The following TRMT11 variants were observed in gnomAD, a reference collection of about 807,000 sequenced individuals.
The protein encoded by TRMT11 is tRNA (guanine(10)-N(2))-methyltransferase TRMT11.
A neutral mutation model predicts 62.8 loss-of-function variants in TRMT11; 53 were observed. The ratio of observed to expected loss-of-function variants is 0.84; its 90% CI spans 0.68 to 1.06. The LOEUF is 1.06. Among genes scored for constraint, TRMT11 ranks in the 50% least tolerant of loss-of-function variants. TRMT11 has a pLI of 0.00. For missense variants in TRMT11, 556 were observed against 553.4 expected, an observed-to-expected ratio of 1.00 and a Z score of -0.05; for synonymous variants, 188 against 190.3, an observed-to-expected ratio of 0.99 and a Z score of 0.10.
chr6:126,069,708 C>T lies in TRMT11; in HGVS notation c.*1437+16518C>T, dbSNP rs11964605. Among the ~76,000 whole-genome samples, 1,104 of 152,272 alleles carry T rather than the reference C, an allele frequency of 7.3e-3. 15 individuals are homozygous for T. The highest frequency in any genetic ancestry group is 0.025 in the African/African-American group (1,042 of 41,558). ...GTCTCTGTTTTCAGACCATGTCATC[C>T]GGGACTTGCCAGCCTTCAGAGACAT... is the stretch of plus-strand genomic sequence containing the variant. On this transcript the variant is annotated intron_variant and NMD_transcript_variant, in intron 17 of 22. Coordinates refer to the TRMT11 transcript ENST00000648977.
intron 17 of TRMT11, among the ~76,000 whole-genome samples, chr6:126,058,142 T>TCC (rs1336193413): frequency 6.6e-6 from 1 of 152,098 alleles, no homozygotes; most frequent in African/African-American, 2.4e-5. Flanking sequence ...TGTGTGATGT[T>TCC]CCCCTCCCTG....
At position 126,147,099 on chromosome 6, in the gene TRMT11, T is replaced by C. The variant is rs1043731738; in HGVS notation, c.*1824-27726T>C. Among the ~76,000 whole-genome samples, 2 of 151,904 alleles carry C rather than the reference T, an allele frequency of 1.3e-5. 1 individual carries two copies. Among genetic ancestry groups the C allele is most frequent in the Non-Finnish European group, 2.9e-5 (2 of 67,998 alleles). On this transcript the variant is annotated intron_variant and NMD_transcript_variant, in intron 21 of 22. Coordinates refer to the TRMT11 transcript ENST00000648977. ...GATGACCTTCCTGAAGAGGTGAGGA[T>C]TGAATTGGGCCTGGAAGAGTAGGTA...
At chr6:126,096,676 T>G (rs1777344918) in intron 17 of TRMT11, among the ~76,000 whole-genome samples, 1 of 152,132 alleles carries the variant, frequency 6.6e-6, no homozygotes, top group African/African-American at 2.4e-5. Flanking sequence ...TTCTTAATCT[T>G]TGTATCCCCC....
At chr6:126,177,970 G>C (rs1778408208) in intron 1 of TRMT11, among the ~76,000 whole-genome samples, 1 of 152,048 alleles carries the variant, frequency 6.6e-6, no homozygotes, top group Admixed American at 6.6e-5. Flanking sequence ...CCTACTGCAA[G>C]CTCTGGTCCA....
intron 18 of TRMT11, among the ~76,000 whole-genome samples, chr6:126,113,860 CAAT>C (rs566340527): frequency 7.9e-5 from 12 of 152,142 alleles, no homozygotes; most frequent in Non-Finnish European, 1.8e-4. Flanking sequence ...AAAAGATCCT[CAAT>C]AATCTGAGCA....
At chr6:126,167,477 G>T (rs1778282237) in intron 21 of TRMT11, among the ~76,000 whole-genome samples, 1 of 152,122 alleles carries the variant, frequency 6.6e-6, no homozygotes, top group Admixed American at 6.5e-5. Context: ...AGACGAAGTG[G>T]GTACCTCAAT....
intron 17 of TRMT11, among the ~76,000 whole-genome samples, chr6:126,103,212 T>C (rs867206152): frequency 4.6e-5 from 7 of 152,234 alleles, no homozygotes; most frequent in African/African-American, 1.2e-4. Context: ...GGTCCTACGC[T>C]AATTCTCATT....
At chr6:126,161,811 T>C (rs994480717) in intron 21 of TRMT11, among the ~76,000 whole-genome samples, 2 of 152,260 alleles carry the variant, frequency 1.3e-5, no homozygotes, top group African/African-American at 4.8e-5. Flanking sequence ...TTTGTGGTTT[T>C]GATTTGCATT....
chr6:126,159,493 C>T (rs1030369118), intron 21 of TRMT11, among the ~76,000 whole-genome samples: 2 of 152,170 alleles, frequency 1.3e-5, no homozygotes, highest in East Asian at 1.9e-4. Context: ...AGCCACAAGA[C>T]AGAAAGAACT....
chr6:126,190,145 TTTG>T (rs1447739295), intron 1 of TRMT11, among the ~76,000 whole-genome samples: 1 of 152,180 alleles, frequency 6.6e-6, no homozygotes, highest in African/African-American at 2.4e-5. Context: ...AATACTAGAA[TTTG>T]TTTTTTCTAA....
chr6:125,995,837 G>A, intron 2 of TRMT11, 130 bp from the exon 3 acceptor site: 1 of 637,640 alleles, frequency 1.6e-6, no homozygotes, highest in Non-Finnish European at 2.8e-6. Flanking sequence ...TTTTATTTTG[G>A]TTACAGTCAG....
At chr6:126,064,086 A>G (rs1323542268) in intron 17 of TRMT11, among the ~76,000 whole-genome samples, 3 of 151,942 alleles carry the variant, frequency 2.0e-5, no homozygotes, top group Non-Finnish European at 4.4e-5. Context: ...GAGGTTGGCA[A>G]CCTTTGGTGA....
upstream of TRMT11, among the ~76,000 whole-genome samples, chr6:126,175,347 A>T (rs1390959949): frequency 6.6e-6 from 1 of 152,144 alleles, no homozygotes; most frequent in East Asian, 1.9e-4. Flanking sequence ...TTTTGTGTGC[A>T]TTTGTAGATA....
chr6:126,052,786 A>G (rs1373427035), intron 16 of TRMT11, among the ~76,000 whole-genome samples: 3 of 152,188 alleles, frequency 2.0e-5, no homozygotes, highest in Non-Finnish European at 4.4e-5. Flanking sequence ...TTGATCTTGC[A>G]TTTGTTAGCT....
At chr6:126,189,739 C>A (rs888535111) in intron 1 of TRMT11, among the ~76,000 whole-genome samples, 1 of 152,060 alleles carries the variant, frequency 6.6e-6, no homozygotes, top group Admixed American at 6.6e-5. Context: ...AATAAGGTAG[C>A]ATACTGGACA....
the TRMT11 span, among the ~76,000 whole-genome samples, chr6:126,240,625 G>A: frequency 2.4e-4 from 36 of 152,200 alleles, no homozygotes; most frequent in Admixed American, 7.2e-4. Context: ...CCCTACTGGG[G>A]GGTGCCTCCC....
chr6:126,170,249 A>G (rs1208261134), intron 21 of TRMT11, among the ~76,000 whole-genome samples: 1 of 151,994 alleles, frequency 6.6e-6, no homozygotes, highest in Non-Finnish European at 1.5e-5. Flanking sequence ...TTCTCTTACC[A>G]TGCATTCATA....
intron 1 of TRMT11, among the ~76,000 whole-genome samples, chr6:126,179,667 C>G (rs1778433552): frequency 6.6e-6 from 1 of 152,048 alleles, no homozygotes; most frequent in Admixed American, 6.6e-5. Flanking sequence ...GATAGGATGA[C>G]AAAACTGAAA....
intron 1 of TRMT11, among the ~76,000 whole-genome samples, chr6:125,991,119 G>A (rs575920354): frequency 5.9e-5 from 9 of 151,774 alleles, no homozygotes; most frequent in Non-Finnish European, 1.0e-4. Context: ...GGTGGTGTGC[G>A]CCTGTAATCT....
Sources: allele counts gnomAD v4.1 joint callset (sites outside exome capture counted in the v4.1 genomes callset), GRCh38; gene constraint gnomAD v4.1.1; transcripts MANE v1.5; gene names NCBI Gene and HGNC (gene_info 2026-07-23, HGNC 2026-07-21).